The following RIGI variants were observed in gnomAD, a reference collection of about 807,000 sequenced individuals.
RIGI encodes the protein antiviral innate immune response receptor RIG-I.
At chr9:32,525,972 T>G in the RIGI span, 1 of 1,036,852 alleles carries the variant, frequency 9.6e-7, no homozygotes, top group Non-Finnish European at 1.5e-6. Flanking sequence ...TGGCAGGCTC[T>G]CTGCATTGAT....
chr9:32,481,567 T>G, the RIGI span: 1 of 1,094,358 alleles, frequency 9.1e-7, no homozygotes, highest in Non-Finnish European at 1.3e-6. Context: ...TAAACAGGCC[T>G]CACCCTCTAA....
At chr9:32,512,498 G>A in the RIGI span, among the ~76,000 whole-genome samples, 7 of 151,990 alleles carry the variant, frequency 4.6e-5, no homozygotes, top group South Asian at 2.1e-4. Flanking sequence ...TGCAGAAAAC[G>A]CCGTTGATAA....
the RIGI span, chr9:32,492,408 A>T: frequency 6.2e-7 from 1 of 1,614,166 alleles, no homozygotes; most frequent in Non-Finnish European, 8.5e-7. Flanking sequence ...TACAATCCAC[A>T]GTTCACTGAA....
chr9:32,508,846 A>G, the RIGI span, among the ~76,000 whole-genome samples: 3 of 152,086 alleles, frequency 2.0e-5, no homozygotes, highest in African/African-American at 7.2e-5. Context: ...GCTAAAATCC[A>G]CTAGCTTGAA....
the RIGI span, chr9:32,485,217 T>TC: frequency 6.2e-7 from 1 of 1,610,034 alleles, no homozygotes; most frequent in Non-Finnish European, 8.5e-7. Context: ...TCTGTGTCCC[T>TC]CATCAGCTGA....
At chr9:32,476,944 T>C in the RIGI span, 1 of 1,548,216 alleles carries the variant, frequency 6.5e-7, no homozygotes, top group South Asian at 1.1e-5. Flanking sequence ...TGAATAGTGC[T>C]GGGTCCATTT....
At chr9:32,521,949 A>G in the RIGI span, among the ~76,000 whole-genome samples, 3 of 152,314 alleles carry the variant, frequency 2.0e-5, no homozygotes, top group African/African-American at 7.2e-5. Flanking sequence ...AGTGACTTAT[A>G]ATCAGATATA....
At chr9:32,496,039 C>T in the RIGI span, among the ~76,000 whole-genome samples, 30,085 of 152,016 alleles carry the variant, frequency 0.2, 3,235 homozygotes, top group Non-Finnish European at 0.26. Context: ...TCTCTCATTC[C>T]ATGGGTTGAC....
chr9:32,488,622 A>T, the RIGI span: 2 of 1,160,598 alleles, frequency 1.7e-6, no homozygotes, highest in Non-Finnish European at 2.3e-6. Flanking sequence ...TGGATTATAA[A>T]AAAGCTGAAT....
chr9:32,513,071 G>C, the RIGI span, among the ~76,000 whole-genome samples: 1 of 151,738 alleles, frequency 6.6e-6, no homozygotes, highest in African/African-American at 2.4e-5. Flanking sequence ...AAATAAAAGA[G>C]GATACAAACA....
At chr9:32,507,473 CG>C in the RIGI span, among the ~76,000 whole-genome samples, 2 of 151,940 alleles carry the variant, frequency 1.3e-5, no homozygotes, top group African/African-American at 4.8e-5. Flanking sequence ...TATTTCTTGA[CG>C]TTTTCTAATA....
At chr9:32,523,351 T>G in the RIGI span, among the ~76,000 whole-genome samples, 1 of 152,218 alleles carries the variant, frequency 6.6e-6, no homozygotes, top group African/African-American at 2.4e-5. Context: ...ACTCCACACC[T>G]GTGCAGCCAA....
chr9:32,459,025 A>G, the RIGI span, among the ~76,000 whole-genome samples: 1 of 151,634 alleles, frequency 6.6e-6, no homozygotes, highest in Admixed American at 6.6e-5. Context: ...AGTAACTAAG[A>G]TTACAGCCAC....
the RIGI span, among the ~76,000 whole-genome samples, chr9:32,468,226 T>C: frequency 6.6e-6 from 1 of 152,198 alleles, no homozygotes; most frequent in East Asian, 1.9e-4. Flanking sequence ...AAATAGACAT[T>C]TTTGCAGAAA....
the RIGI span, chr9:32,500,892 C>G: frequency 1.9e-6 from 3 of 1,614,196 alleles, no homozygotes; most frequent in South Asian, 3.3e-5. Flanking sequence ...GTGGCAGCCT[C>G]CATTGGGCCC....
chr9:32,521,337 C>A, the RIGI span, among the ~76,000 whole-genome samples: 114 of 151,946 alleles, frequency 7.5e-4, 1 homozygote, highest in African/African-American at 2.5e-3. Context: ...TTTGAGTGAA[C>A]TGTGGGGGGA....
chr9:32,514,473 G>A, the RIGI span, among the ~76,000 whole-genome samples: 551 of 152,220 alleles, frequency 3.6e-3, no homozygotes, highest in African/African-American at 8.4e-3. Flanking sequence ...ACTAACACAG[G>A]AACAGAAAAC....
chr9:32,481,818 C>A, the RIGI span, among the ~76,000 whole-genome samples: 1 of 152,220 alleles, frequency 6.6e-6, no homozygotes, highest in African/African-American at 2.4e-5. Context: ...CTCCTGACCT[C>A]AGGTGATCCG....
the RIGI span, among the ~76,000 whole-genome samples, chr9:32,506,103 A>G: frequency 1.3e-5 from 2 of 152,170 alleles, no homozygotes; most frequent in Non-Finnish European, 2.9e-5. Context: ...CCGTAATCCC[A>G]GCTACTCAGG....
Sources: allele counts gnomAD v4.1 joint callset (sites outside exome capture counted in the v4.1 genomes callset), GRCh38; gene constraint gnomAD v4.1.1; transcripts MANE v1.5; gene names NCBI Gene and HGNC (gene_info 2026-07-23, HGNC 2026-07-21).